Variants in CHST11 observed in about 807,000 individuals in gnomAD.
CHST11 encodes the protein C4S-1.
In CHST11, 9 loss-of-function variants were observed where a neutral mutation model predicts 30.4. The ratio of observed to expected loss-of-function variants is 0.30; its 90% CI spans 0.18 to 0.52. CHST11 has a LOEUF of 0.52. CHST11 is among the 20% of genes least tolerant of loss of function. The probability of loss-of-function intolerance (pLI) is 0.97; values close to 1 mark genes in which losing one functional copy is unlikely to be tolerated. For synonymous variants in CHST11, 152 were observed against 187.8 expected (o/e 0.81, Z 1.56); for missense variants, 348 against 460.6 (o/e 0.76, Z 2.24).
At chr12:104,721,688 A>G (rs1033681490) in intron 2 of CHST11, among the ~76,000 whole-genome samples, 33 of 152,130 alleles carry the variant, frequency 2.2e-4, no homozygotes, top group African/African-American at 7.7e-4. Context: ...TTTCAGAGCC[A>G]CCTCAAAGAG....
intron 2 of CHST11, among the ~76,000 whole-genome samples, chr12:104,669,188 G>A (rs1344301549): frequency 4.6e-5 from 7 of 152,074 alleles, no homozygotes; most frequent in African/African-American, 1.2e-4. Context: ...CAGCCAGAGC[G>A]TTTTTCCTCC....
At chr12:104,642,114 G>A (rs1467366947) in intron 2 of CHST11, among the ~76,000 whole-genome samples, 3 of 152,176 alleles carry the variant, frequency 2.0e-5, no homozygotes, top group African/African-American at 7.2e-5. Context: ...AAGCCCAAAT[G>A]AGGAACTGGG....
intron 1 of CHST11, among the ~76,000 whole-genome samples, chr12:104,525,278 A>G (rs111667662): frequency 2.2e-3 from 328 of 152,302 alleles, no homozygotes; most frequent in Non-Finnish European, 2.8e-3. Flanking sequence ...AGCATGAGCC[A>G]CTGCTCCTAA....
intron 1 of CHST11, among the ~76,000 whole-genome samples, chr12:104,493,850 G>A (rs56138293): frequency 0.24 from 36,079 of 152,068 alleles, 4,487 homozygotes; most frequent in Admixed American, 0.28. Flanking sequence ...TTGAGACTGG[G>A]TCTTGCTCTG....
At position 104,619,319 on chromosome 12, in the gene CHST11, TGAAACGGGAGTTGCAGA is replaced by T. The variant is rs570689614; in HGVS notation, c.204+17332_204+17348del. Among the ~76,000 whole-genome samples, 338 of 152,334 alleles carry T rather than the reference TGAAACGGGAGTTGCAGA, an allele frequency of 2.2e-3. 2 individuals carry two copies. Among genetic ancestry groups the T allele is most frequent in the African/African-American group, 7.9e-3 (327 of 41,586 alleles). On this transcript the variant is annotated intron_variant, in intron 2 of 2. Transcript: ENST00000303694. ...GTTTGCTCAGGCCAGAGGCTGTGCT[TGAAACGGGAGTTGCAGA>T]GAAGGACTTCTGTGGGCTTGGAACT...
At chr12:104,544,737 G>T (rs2038326860) in intron 1 of CHST11, among the ~76,000 whole-genome samples, 1 of 115,178 alleles carries the variant, frequency 8.7e-6, no homozygotes, top group Non-Finnish European at 1.8e-5. Context: ...TCAGAAATTT[G>T]AGCAGTCAAT....
intron 1 of CHST11, among the ~76,000 whole-genome samples, chr12:104,508,435 A>G (rs60868797): frequency 0.084 from 12,850 of 152,320 alleles, 1,058 homozygotes; most frequent in African/African-American, 0.22. Context: ...ACAAAAAACA[A>G]AAAGGAAATG....
chr12:104,559,579 C>A (rs2038492651), intron 1 of CHST11, among the ~76,000 whole-genome samples: 1 of 152,068 alleles, frequency 6.6e-6, no homozygotes, highest in African/African-American at 2.4e-5. Flanking sequence ...CCCCTCTCTA[C>A]TAAAAATACA....
intron 1 of CHST11, among the ~76,000 whole-genome samples, chr12:104,566,303 C>A (rs904369567): frequency 1.3e-5 from 2 of 152,100 alleles, no homozygotes; most frequent in African/African-American, 4.8e-5. Context: ...TATTCCAGTC[C>A]TTATTGTCAC....
chr12:104,652,913 A>G (rs953112795), intron 2 of CHST11, among the ~76,000 whole-genome samples: 1 of 152,110 alleles, frequency 6.6e-6, no homozygotes, highest in African/African-American at 2.4e-5. Context: ...CTCCCTACGC[A>G]CATCTTAGTC....
Position 104,457,468 on chromosome 12 carries a change from G to T in CHST11, c.57G>T (p.Leu19=), listed in dbSNP as rs775734312. 6.2e-7 allele frequency: 1 copy of T among 1,614,218 alleles called. No homozygotes were observed. The highest frequency in any genetic ancestry group is 1.1e-5 in the South Asian group (1 of 91,084). The change falls in exon 1 of 3, where the codon CTG becomes CTT. Residue 19 remains leucine, a synonymous_variant. Coordinates refer to ENST00000303694, the MANE Select transcript of CHST11 (RefSeq NM_018413.6). ...TGAACAGAATCTGCCGGATGGTGCT[G>T]GCCACTTGCTTGGGATCCTTTATCC... ...MRMNRICRMV[L]ATCLGSFILV...
At chr12:104,520,078 T>A (rs985741581) in intron 1 of CHST11, among the ~76,000 whole-genome samples, 4 of 152,182 alleles carry the variant, frequency 2.6e-5, no homozygotes, top group Admixed American at 2.6e-4. Context: ...TCATTCCTAG[T>A]TGCTGGCGTC....
intron 1 of CHST11, among the ~76,000 whole-genome samples, chr12:104,506,246 A>T (rs1250253848): frequency 6.6e-6 from 1 of 152,220 alleles, no homozygotes; most frequent in African/African-American, 2.4e-5. Flanking sequence ...CACCTATTGC[A>T]GGAGTATTTC....
At chr12:104,636,134 G>C (rs2039321290) in intron 2 of CHST11, among the ~76,000 whole-genome samples, 1 of 152,182 alleles carries the variant, frequency 6.6e-6, no homozygotes, top group Non-Finnish European at 1.5e-5. Flanking sequence ...GGCTGATCCA[G>C]GTTACACAGT....
chr12:104,676,014 G>A lies in CHST11; in HGVS notation c.204+74023G>A, dbSNP rs116212709. On this transcript the variant is annotated intron_variant, in intron 2 of 2. Coordinates refer to ENST00000303694, the MANE Select transcript of CHST11 (RefSeq NM_018413.6). This position sits in a 1 kb window ranked among gnomAD's most constrained non-coding sequence, Gnocchi z 4.4. Reference sequence around the variant, plus strand: ...CACAAGCTACATCCCCGCATGCCTCGACTGGTCAACTCCTATAATTCTGTC... The same window carrying A: ...CACAAGCTACATCCCCGCATGCCTCAACTGGTCAACTCCTATAATTCTGTC... Among the ~76,000 whole-genome samples the A allele has an allele frequency of 6.6e-6, 1 of 152,106 alleles. No individual in the cohort carries two copies. The highest frequency in any genetic ancestry group is 1.5e-5 in the Non-Finnish European group (1 of 68,018).
intron 2 of CHST11, among the ~76,000 whole-genome samples, chr12:104,711,269 T>A (rs759605969): frequency 1.4e-4 from 21 of 152,224 alleles, no homozygotes; most frequent in Non-Finnish European, 2.6e-4. Context: ...TTCACTGGTT[T>A]ATAGATGCAC....
chr12:104,612,882 C>T (rs1407742802), intron 2 of CHST11, among the ~76,000 whole-genome samples: 1 of 152,146 alleles, frequency 6.6e-6, no homozygotes, highest in East Asian at 1.9e-4. Context: ...AAACAGACAC[C>T]AGCACTCTCA....
intron 2 of CHST11, among the ~76,000 whole-genome samples, chr12:104,691,686 C>T (rs1362400682): frequency 1.3e-5 from 2 of 152,044 alleles, no homozygotes; most frequent in African/African-American, 4.8e-5. Context: ...GTTGGGGTTT[C>T]ACCATGTTGG....
At chr12:104,702,598 C>T (rs1400811642) in intron 2 of CHST11, among the ~76,000 whole-genome samples, 5 of 152,146 alleles carry the variant, frequency 3.3e-5, no homozygotes, top group African/African-American at 1.2e-4. Flanking sequence ...CCTCAGGAAG[C>T]TGCAGGGAGA....
Sources: gnomAD v4.1 joint callset for allele counts (sites outside exome capture counted in the v4.1 genomes callset) on GRCh38, gnomAD v4.1.1 for gene constraint, Gnocchi (gnomAD v3.1) non-coding constraint, MANE v1.5 for transcripts, NCBI Gene and HGNC (gene_info 2026-07-23, HGNC 2026-07-21) for gene names.